The following ADGRB3 variants were observed in gnomAD, a reference collection of about 807,000 sequenced individuals.
The protein encoded by ADGRB3 is adhesion G protein-coupled receptor B3.
In ADGRB3, 37 loss-of-function variants were observed where a neutral mutation model predicts 193.4. That is an observed-to-expected ratio of 0.19 (90% confidence interval 0.15 to 0.25). The LOEUF (loss-of-function observed/expected upper bound fraction) is 0.25, where lower values mean the gene tolerates loss of function less well. Ranked by LOEUF, ADGRB3 falls within the 10% of genes least tolerant of loss-of-function variation. The probability of loss-of-function intolerance (pLI) is 1.00; values close to 1 mark genes in which losing one functional copy is unlikely to be tolerated. For missense variants in ADGRB3, 1,637 were observed against 1,852.9 expected (o/e 0.88, Z 2.14); for synonymous variants, 690 against 644.2 (o/e 1.07, Z -1.08).
At chr6:69,161,700 C>T (rs1315916273) in intron 17 of ADGRB3, among the ~76,000 whole-genome samples, 1 of 152,096 alleles carries the variant, frequency 6.6e-6, no homozygotes, top group Non-Finnish European at 1.5e-5. Context: ...GATATGGTCT[C>T]ATTTGAAGGT....
chr6:69,217,806 C>T (rs970723682), intron 17 of ADGRB3, among the ~76,000 whole-genome samples: 1 of 152,092 alleles, frequency 6.6e-6, no homozygotes, highest in Non-Finnish European at 1.5e-5. Flanking sequence ...TTGAGTCCTC[C>T]CTGACGTAGA....
In ADGRB3 at chr6:68,903,166, G is replaced by T. The variant is rs191802331; in HGVS notation, c.758-27393G>T. Among the ~76,000 whole-genome samples the T allele has an allele frequency of 5.3e-5, 8 of 152,294 alleles. No individual in the cohort carries two copies. In the East Asian group the frequency reaches 1.5e-3, roughly 29 times the overall value. ...AAAACAAATCTTTTGTGAAAAGAAGGTAGATTATTTAGGTAGGCAAGGTGC... is the reference window on the plus strand; with the variant it reads ...AAAACAAATCTTTTGTGAAAAGAAGTTAGATTATTTAGGTAGGCAAGGTGC... On this transcript the variant is annotated intron_variant, in intron 3 of 31. Coordinates refer to ENST00000370598, the MANE Select transcript of ADGRB3 (RefSeq NM_001704.3).
chr6:68,918,572 A>C (rs545820518), intron 3 of ADGRB3, among the ~76,000 whole-genome samples: 1 of 152,304 alleles, frequency 6.6e-6, no homozygotes, highest in East Asian at 1.9e-4. Flanking sequence ...ATTTAGTATA[A>C]ATTTTTAAAC....
intron 17 of ADGRB3, among the ~76,000 whole-genome samples, chr6:69,190,948 A>G (rs1765173058): frequency 1.7e-5 from 1 of 59,672 alleles, no homozygotes; most frequent in African/African-American, 1.2e-4. Context: ...TATGTACCCC[A>G]GGTTTGTATT....
intron 3 of ADGRB3, among the ~76,000 whole-genome samples, chr6:68,740,043 G>A (rs1765949206): frequency 6.6e-6 from 1 of 152,012 alleles, no homozygotes; most frequent in African/African-American, 2.4e-5. Flanking sequence ...AGAAGTGGCA[G>A]GTCTATACAA....
chr6:68,680,148 G>T (rs772026855), intron 3 of ADGRB3, among the ~76,000 whole-genome samples: 5 of 152,126 alleles, frequency 3.3e-5, no homozygotes, highest in Non-Finnish European at 5.9e-5. Flanking sequence ...CTCCAGAACT[G>T]TGAGAAATAA....
At chr6:68,872,050 T>A (rs1159067114) in intron 3 of ADGRB3, among the ~76,000 whole-genome samples, 2 of 152,146 alleles carry the variant, frequency 1.3e-5, no homozygotes, top group Non-Finnish European at 2.9e-5. Flanking sequence ...AGTTATAAAT[T>A]AATTTTCTCT....
chr6:69,090,787 G>A (rs946759219), intron 17 of ADGRB3, among the ~76,000 whole-genome samples: 2 of 152,134 alleles, frequency 1.3e-5, no homozygotes, highest in African/African-American at 2.4e-5. Flanking sequence ...CGTTTGGATT[G>A]TTTGGATTGA....
intron 17 of ADGRB3, among the ~76,000 whole-genome samples, chr6:69,205,359 G>A (rs1042171533): frequency 7.9e-5 from 12 of 151,174 alleles, no homozygotes; most frequent in African/African-American, 2.4e-4. Context: ...GACTGAGACT[G>A]CCACTGATAT....
chr6:69,242,295 T>A (rs1766401346), intron 20 of ADGRB3, among the ~76,000 whole-genome samples: 1 of 151,956 alleles, frequency 6.6e-6, no homozygotes. Flanking sequence ...TTGTATAGGA[T>A]CCCTTTGCTT....
At chr6:69,252,474 A>C (rs1766643819) in intron 20 of ADGRB3, among the ~76,000 whole-genome samples, 1 of 152,168 alleles carries the variant, frequency 6.6e-6, no homozygotes, top group Non-Finnish European at 1.5e-5. Flanking sequence ...ACTTAAAAGA[A>C]AAAATACAAA....
intron 17 of ADGRB3, among the ~76,000 whole-genome samples, chr6:69,180,256 G>A (rs997349510): frequency 6.6e-6 from 1 of 152,186 alleles, no homozygotes; most frequent in African/African-American, 2.4e-5. Context: ...TGAATGGTGG[G>A]GTGGCTCAGA....
intron 3 of ADGRB3, among the ~76,000 whole-genome samples, chr6:68,731,444 A>C (rs902113738): frequency 6.6e-6 from 1 of 151,700 alleles, no homozygotes; most frequent in Non-Finnish European, 1.5e-5. Context: ...GTTACAAAAA[A>C]GCCCGTAGTT....
At chr6:68,778,486 T>C (rs976327886) in intron 3 of ADGRB3, among the ~76,000 whole-genome samples, 6 of 152,106 alleles carry the variant, frequency 3.9e-5, no homozygotes, top group Non-Finnish European at 8.8e-5. Context: ...CAAATGCAGA[T>C]AGTGACTATA....
chr6:69,340,014 G>A lies in ADGRB3; in HGVS notation c.3459+510G>A, dbSNP rs546762480. Among the ~76,000 whole-genome samples the A allele has an allele frequency of 5.3e-5, 8 of 152,218 alleles. No individual in the cohort carries two copies. In the South Asian group the frequency reaches 1.0e-3, roughly 20 times the overall value. On this transcript the variant is annotated intron_variant, in intron 26 of 31. Transcript: ENST00000370598. Reference sequence around the variant, plus strand: ...TCTTTTGTCTCTATACTAAGTTTTGGTTATGATTGCTATGGATTATTGCTT... The same window carrying A: ...TCTTTTGTCTCTATACTAAGTTTTGATTATGATTGCTATGGATTATTGCTT...
chr6:68,958,854 A>C (rs1768150395), intron 8 of ADGRB3, among the ~76,000 whole-genome samples: 1 of 147,996 alleles, frequency 6.8e-6, no homozygotes, highest in Non-Finnish European at 1.5e-5. Context: ...CTACTTATAC[A>C]GGGGCAAAGA....
At position 68,944,003 on chromosome 6, in the gene ADGRB3, A is replaced by C; in HGVS notation, c.1195+9A>C. 1 of 1,589,456 alleles carries C rather than the reference A, an allele frequency of 6.3e-7. No homozygotes were observed. The highest frequency in any genetic ancestry group is 8.6e-7 in the Non-Finnish European group (1 of 1,163,094). On this transcript the variant is annotated intron_variant, in intron 6 of 31. Coordinates refer to ENST00000370598, the MANE Select transcript of ADGRB3 (RefSeq NM_001704.3). Reference sequence around the variant, plus strand: ...TATTGCTCTTTGCCCAGGTGAGCCTATTCTGCATTTGGTTATGTTTGCATT... The same window carrying C: ...TATTGCTCTTTGCCCAGGTGAGCCTCTTCTGCATTTGGTTATGTTTGCATT...
chr6:69,237,427 T>C (rs1456713055), intron 19 of ADGRB3, among the ~76,000 whole-genome samples: 3 of 152,026 alleles, frequency 2.0e-5, no homozygotes, highest in Non-Finnish European at 1.5e-5. Flanking sequence ...TAGATAAGTT[T>C]GGCAGAGTTA....
At chr6:69,243,541 T>A (rs1009770647) in intron 20 of ADGRB3, among the ~76,000 whole-genome samples, 1 of 152,042 alleles carries the variant, frequency 6.6e-6, no homozygotes, top group African/African-American at 2.4e-5. Flanking sequence ...TGGAATCTTA[T>A]GTACAGTTCA....
Sources: allele counts gnomAD v4.1 joint callset (sites outside exome capture counted in the v4.1 genomes callset), GRCh38; gene constraint gnomAD v4.1.1; transcripts MANE v1.5; gene names NCBI Gene and HGNC (gene_info 2026-07-23, HGNC 2026-07-21).